PPEF2: variants seen among roughly 807,000 people sequenced by gnomAD.
PPEF2 encodes the protein serine/threonine-protein phosphatase with EF-hands 2.
A neutral mutation model predicts 84.7 loss-of-function variants in PPEF2; 84 were observed. The observed-to-expected ratio is 0.99, with a 90% CI of 0.83 to 1.19. PPEF2 has a LOEUF of 1.19. Ranked by LOEUF, PPEF2 falls within the 50% of genes most tolerant of loss-of-function variation. PPEF2 has a pLI of 0.00. For synonymous variants in PPEF2, 346 were observed against 345.2 expected (o/e 1.00, Z -0.03); for missense variants, 924 against 937.5 (o/e 0.99, Z 0.19).
At chr4:75,895,461 G>T (rs531217721) in intron 2 of PPEF2, among the ~76,000 whole-genome samples, 1 of 151,642 alleles carries the variant, frequency 6.6e-6, no homozygotes, top group Non-Finnish European at 1.5e-5. Flanking sequence ...GGTTGGGCAC[G>T]GTGGCTCACG....
intron 10 of PPEF2, among the ~76,000 whole-genome samples, chr4:75,881,163 G>A (rs935790977): frequency 4.3e-4 from 63 of 145,288 alleles, no homozygotes; most frequent in African/African-American, 1.6e-3. Flanking sequence ...GCAGTGGCAC[G>A]ATCTCAGCTC....
At chr4:75,895,512 C>T (rs1354457521) in intron 2 of PPEF2, among the ~76,000 whole-genome samples, 2 of 151,960 alleles carry the variant, frequency 1.3e-5, no homozygotes, top group Non-Finnish European at 2.9e-5. Flanking sequence ...GCAGGCGGAT[C>T]ACCTGAAGTG....
chr4:75,882,998 T>A lies in PPEF2; in HGVS notation c.861A>T (p.Lys287Asn), dbSNP rs978053127. Residue 287 changes from lysine (K) to asparagine (N), a missense_variant, in exon 10 of 17, where the codon AAA becomes AAT. Physicochemically the swap from Lys to Asn is moderately conservative, Grantham distance 94. Transcript: ENST00000286719. The part of the protein sequence containing the change: ...WLPLATLIDE[K>N]VLILHGGVSD... ...ACACCCCACCATGAAGAATTAGAAC[T>A]TTCTCATCTATCAGAGTGGCCAGTG... 14 of 1,614,104 alleles carry A rather than the reference T, an allele frequency of 8.7e-6. No homozygotes were observed. The East Asian group carries it at 2.9e-4, about 33-fold the overall frequency.
intron 1 of PPEF2, among the ~76,000 whole-genome samples, chr4:75,898,037 T>C (rs991964020): frequency 5.3e-5 from 8 of 152,206 alleles, no homozygotes; most frequent in African/African-American, 1.9e-4. Flanking sequence ...GTATCCCTTA[T>C]GGGAAACGAA....
At chr4:75,897,745 C>G (rs1410729428) in intron 1 of PPEF2, among the ~76,000 whole-genome samples, 3 of 152,136 alleles carry the variant, frequency 2.0e-5, no homozygotes, top group African/African-American at 4.8e-5. Flanking sequence ...CCACTGCACT[C>G]CAGCCTGGGC....
At position 75,880,409 on chromosome 4, in the gene PPEF2, C is replaced by T. The variant is rs189732172; in HGVS notation, c.933+2517G>A. On this transcript the variant is annotated intron_variant, in intron 10 of 16. Coordinates refer to ENST00000286719, the MANE Select transcript of PPEF2 (RefSeq NM_006239.3). ...TCTCTGTACTTCTCTCTCAAGTAGT[C>T]CTTGGACTGTATCATTTGCTGCATC... Among the ~76,000 whole-genome samples the T allele has an allele frequency of 2.2e-3, 329 of 152,266 alleles. 1 individual carries two copies. Among genetic ancestry groups the T allele is most frequent in the Non-Finnish European group, 3.1e-3 (212 of 68,018 alleles).
chr4:75,898,284 GT>G (rs1471125381), intron 1 of PPEF2, among the ~76,000 whole-genome samples: 1 of 152,238 alleles, frequency 6.6e-6, no homozygotes, highest in Non-Finnish European at 1.5e-5. Context: ...TTTATGGCCA[GT>G]TTTGGGGCCA....
chr4:75,867,707 A>T (rs1724165580), intron 13 of PPEF2, among the ~76,000 whole-genome samples: 1 of 152,122 alleles, frequency 6.6e-6, no homozygotes, highest in Non-Finnish European at 1.5e-5. Context: ...CCCACCTGTA[A>T]AACAGTGATT....
At chr4:75,896,107 C>T (rs1008871681) in intron 2 of PPEF2, among the ~76,000 whole-genome samples, 164 bp downstream of exon 2, 3 of 152,170 alleles carry the variant, frequency 2.0e-5, no homozygotes, top group African/African-American at 7.2e-5. Flanking sequence ...TTCAACTGGA[C>T]ATTTTGGTGG....
intron 14 of PPEF2, among the ~76,000 whole-genome samples, chr4:75,866,889 C>A (rs1389654697): frequency 6.6e-6 from 1 of 152,124 alleles, no homozygotes; most frequent in Non-Finnish European, 1.5e-5. Flanking sequence ...TATATTTTGT[C>A]AATGTCCATT....
chr4:75,867,217 A>C, intron 14 of PPEF2, 96 bp downstream of exon 14: 1 of 903,020 alleles, frequency 1.1e-6, no homozygotes, highest in South Asian at 1.8e-5. Flanking sequence ...TGGGTCACTC[A>C]TTAAAGCAAC....
Position 75,860,586 on chromosome 4 carries a change from C to G in PPEF2, c.*81G>C. ...GGTAAATTTTCAGCATAAAGTTTCA[C>G]ATGGAGAATAAGGGAGATAGTCTAG... On this transcript the variant is annotated 3_prime_UTR_variant, in exon 17 of 17. Coordinates refer to ENST00000286719, the MANE Select transcript of PPEF2 (RefSeq NM_006239.3). The G allele has an allele frequency of 6.5e-7, 1 of 1,536,608 alleles. No individual in the cohort carries two copies. Among genetic ancestry groups the G allele is most frequent in the Non-Finnish European group, 8.9e-7 (1 of 1,128,508 alleles).
intron 16 of PPEF2, among the ~76,000 whole-genome samples, chr4:75,862,740 G>A (rs1724037472): frequency 6.6e-6 from 1 of 152,090 alleles, no homozygotes; most frequent in Admixed American, 6.6e-5. Context: ...AAATGATTTG[G>A]TAATTCCTCA....
At chr4:75,888,054 A>T (rs897312119) in intron 6 of PPEF2, among the ~76,000 whole-genome samples, 160 bp downstream of exon 6, 1 of 152,160 alleles carries the variant, frequency 6.6e-6, no homozygotes, top group Non-Finnish European at 1.5e-5. Flanking sequence ...CCTCTTTTTT[A>T]GGTAAATGTG....
intron 7 of PPEF2, 63 bp downstream of exon 7, chr4:75,886,789 C>T (rs1054438838): frequency 9.4e-6 from 9 of 956,854 alleles, no homozygotes; most frequent in East Asian, 2.6e-5. Flanking sequence ...TCAATTGATA[C>T]TGAATTTGAG....
chr4:75,873,071 C>T (rs1724321484), intron 12 of PPEF2, 56 bp downstream of exon 12: 2 of 1,503,308 alleles, frequency 1.3e-6, no homozygotes, highest in Non-Finnish European at 1.8e-6. Flanking sequence ...AGGCCTGAGC[C>T]CTTCGGACTA....
intron 12 of PPEF2, 142 bp from the exon 13 acceptor site, chr4:75,872,309 TC>T: frequency 1.2e-6 from 1 of 862,810 alleles, no homozygotes; most frequent in African/African-American, 1.7e-5. Context: ...TTTCTTTCTT[TC>T]TTTTTTTCTA....
chr4:75,882,653 A>T (rs1724607182), intron 10 of PPEF2: 2 of 283,998 alleles, frequency 7.0e-6, no homozygotes, highest in Admixed American at 9.4e-5. Flanking sequence ...CCATGCCACC[A>T]CTCCCAGCTA....
At chr4:75,896,132 G>A (rs1560489409) in intron 2 of PPEF2, 139 bp downstream of exon 2, 2 of 869,406 alleles carry the variant, frequency 2.3e-6, no homozygotes, top group East Asian at 4.8e-5. Context: ...GTCACAAGGA[G>A]GAGAAGCTGA....
Sources: allele counts gnomAD v4.1 joint callset (sites outside exome capture counted in the v4.1 genomes callset), GRCh38; gene constraint gnomAD v4.1.1; transcripts MANE v1.5; gene names NCBI Gene and HGNC (gene_info 2026-07-23, HGNC 2026-07-21).